The following POLR3F variants were observed in gnomAD, a reference collection of about 807,000 sequenced individuals.
POLR3F encodes RNA polymerase III subunit F.
Under a neutral mutation model 43.6 loss-of-function variants are expected in POLR3F, and 31 were observed. That is an observed-to-expected ratio of 0.71 (90% confidence interval 0.53 to 0.96). The LOEUF (loss-of-function observed/expected upper bound fraction) is 0.96, where lower values mean the gene tolerates loss of function less well. POLR3F is among the 40% of genes least tolerant of loss of function. The pLI, the probability that POLR3F is intolerant of heterozygous loss-of-function variation, is 0.00. For synonymous variants in POLR3F, 114 were observed against 132.5 expected, an observed-to-expected ratio of 0.86 and a Z score of 0.96; for missense variants, 316 against 391.7, an observed-to-expected ratio of 0.81 and a Z score of 1.63.
intron 4 of POLR3F, 94 bp downstream of exon 4, chr20:18,473,552 A>G: frequency 1.6e-6 from 1 of 618,730 alleles, no homozygotes. Flanking sequence ...AACTCAGTGG[A>G]CAGAGTATAC....
chr20:18,474,614 G>T lies in POLR3F; in HGVS notation c.317-461G>T, dbSNP rs111638214. ...GCTCAGTGCAACCTCCGCCTCCCGG[G>T]TTCAAACGAGTCTCATGCCTCAGCC... On this transcript the variant is annotated intron_variant, in intron 4 of 8. Transcript: ENST00000377603. Among the ~76,000 whole-genome samples the T allele has an allele frequency of 4.2e-3, 631 of 152,038 alleles. 14 individuals carry two copies. Among genetic ancestry groups the T allele is most frequent in the African/African-American group, 0.014 (589 of 41,430 alleles).
chr20:18,473,233 T>C (rs2059762704), intron 3 of POLR3F, among the ~76,000 whole-genome samples, 158 bp from the exon 4 acceptor site: 1 of 152,168 alleles, frequency 6.6e-6, no homozygotes, highest in African/African-American at 2.4e-5. Flanking sequence ...TTCATGTTGG[T>C]ACACACAGCT....
Position 18,481,812 on chromosome 20 carries a change from TG to T in POLR3F, c.873+3del. On this transcript the variant is annotated splice_donor_region_variant and intron_variant, in intron 8 of 8. Transcript: ENST00000377603. Reference sequence around the variant, plus strand: ...CGGGCACCCTGTGGACTCTGCCCGGTGAGTTAAAGTGGCTTCACTTTACACT... The same window carrying T: ...CGGGCACCCTGTGGACTCTGCCCGGTAGTTAAAGTGGCTTCACTTTACACT... The T allele has an allele frequency of 6.2e-7, 1 of 1,600,692 alleles. No homozygotes were observed. Among genetic ancestry groups the T allele is most frequent in the South Asian group, 1.1e-5 (1 of 90,456 alleles).
chr20:18,477,095 A>AAC lies in POLR3F; in HGVS notation c.429+1914_429+1915dup, dbSNP rs1247240510. Among the ~76,000 whole-genome samples the AAC allele has an allele frequency of 1.2e-3, 173 of 149,836 alleles. 1 individual carries two copies. Among genetic ancestry groups the AAC allele is most frequent in the African/African-American group, 4.1e-3 (160 of 39,460 alleles). ...TCTCAAAAAAAGAAAAAAAAAAAAA[A>AAC]ACACACAATGAAAACAAATAATCCA... On this transcript the variant is annotated intron_variant, in intron 5 of 8. Coordinates refer to ENST00000377603, the MANE Select transcript of POLR3F (RefSeq NM_006466.4).
chr20:18,477,769 G>C (rs543233362), intron 5 of POLR3F, among the ~76,000 whole-genome samples: 16 of 152,338 alleles, frequency 1.1e-4, no homozygotes, highest in African/African-American at 2.6e-4. Context: ...GGTGAGGGCA[G>C]GGATGGTAGG....
chr20:18,470,654 T>A (rs1416581859), intron 2 of POLR3F: 1 of 154,884 alleles, frequency 6.5e-6, no homozygotes, highest in African/African-American at 2.4e-5. Flanking sequence ...GAAAAAGTTC[T>A]TTTCTTCCTC....
chr20:18,480,324 G>C, intron 6 of POLR3F, 78 bp from the exon 7 acceptor site: 1 of 1,236,334 alleles, frequency 8.1e-7, no homozygotes, highest in East Asian at 2.4e-5. Context: ...TTCTGTTGTT[G>C]GTTTGACTCA....
chr20:18,474,944 T>C, intron 4 of POLR3F, 131 bp from the exon 5 acceptor site: 1 of 515,990 alleles, frequency 1.9e-6, no homozygotes, highest in Non-Finnish European at 3.5e-6. Context: ...AGCATACTTT[T>C]GCTACTTTAG....
intron 7 of POLR3F, among the ~76,000 whole-genome samples, chr20:18,480,947 A>C (rs1016477971): frequency 1.9e-4 from 29 of 152,194 alleles, no homozygotes; most frequent in African/African-American, 6.8e-4. Flanking sequence ...CAGATTTCTC[A>C]TAAAAACTAG....
chr20:18,480,570 C>A, intron 7 of POLR3F, 61 bp downstream of exon 7: 1 of 947,766 alleles, frequency 1.1e-6, no homozygotes, highest in Non-Finnish European at 1.7e-6. Flanking sequence ...CAATGTATTC[C>A]AAACATGTAT....
chr20:18,467,769 G>A (rs2059704666), intron 1 of POLR3F: 1 of 1,113,094 alleles, frequency 9.0e-7, no homozygotes, highest in Non-Finnish European at 1.2e-6. Flanking sequence ...GGGTTTGACA[G>A]CTTGCAACTT....
Position 18,481,692 on chromosome 20 carries a change from T to C in POLR3F, c.755T>C (p.Ile252Thr). ...TATGATGGAAAAGTGGAGATGACGA[T>C]TATTGCTGCAAAAGAAGGCACAGTT... ...LIYDGKVEMT[I>T]IAAKEGTVGS... is the part of the protein sequence containing the mutation. Residue 252 changes from isoleucine (I) to threonine (T), a missense_variant, in exon 8 of 9, where the codon ATT becomes ACT. By Grantham distance (89) the Ile-to-Thr change is moderately conservative. Transcript: ENST00000377603. 6.2e-7 allele frequency: 1 copy of C among 1,613,004 alleles called. No individual in the cohort carries two copies. Among genetic ancestry groups the C allele is most frequent in the South Asian group, 1.1e-5 (1 of 91,058 alleles).
chr20:18,471,404 A>C (rs1261563535), intron 2 of POLR3F, among the ~76,000 whole-genome samples: 2 of 152,140 alleles, frequency 1.3e-5, no homozygotes, highest in African/African-American at 4.8e-5. Context: ...CCAATCTGGG[A>C]GTTCAGGGTG....
Position 18,480,392 on chromosome 20 carries a change from A to G in POLR3F, c.574-10A>G, listed in dbSNP as rs778546823. 2.6e-6 allele frequency: 4 copies of G among 1,563,134 alleles called. No homozygotes were observed. The Admixed American group carries it at 5.0e-5, about 20-fold the overall frequency. ...TCTTATTTACATTTCTTATGTTTCA[A>G]TCCTTATAGGCAGAAACAGCACGAG... On this transcript the variant is annotated splice_polypyrimidine_tract_variant and intron_variant, in intron 6 of 8. Transcript: ENST00000377603.
rs1453126966 is a variant in POLR3F at position 18,483,939 on chromosome 20, T to C, written c.*381T>C. 1 of 396,704 alleles carries C rather than the reference T, an allele frequency of 2.5e-6. No homozygotes were observed. The highest frequency in any genetic ancestry group is 4.4e-5 in the Admixed American group (1 of 22,688). 24.6% of individuals were successfully genotyped at this position (396,704 alleles called of 1,614,324 possible). A position where few individuals can be genotyped will look rare whatever the true frequency, so the allele number is the denominator to read the frequency against. Reference sequence around the variant, plus strand: ...CTTTTTAAAGTTATTTATTAAGTTCTTCATTGGAAGTTTTTTTTTATATCT... The same window carrying C: ...CTTTTTAAAGTTATTTATTAAGTTCCTCATTGGAAGTTTTTTTTTATATCT... On this transcript the variant is annotated 3_prime_UTR_variant, in exon 9 of 9. Transcript: ENST00000377603.
chr20:18,469,150 C>A (rs1329133657), intron 2 of POLR3F, 89 bp downstream of exon 2: 2 of 741,060 alleles, frequency 2.7e-6, no homozygotes, highest in African/African-American at 1.7e-5. Context: ...AATTTCATGT[C>A]AACTTGACTA....
chr20:18,468,404 C>T (rs1601246270), intron 1 of POLR3F, among the ~76,000 whole-genome samples: 1 of 152,222 alleles, frequency 6.6e-6, no homozygotes, highest in East Asian at 1.9e-4. Context: ...GGCACTGCCA[C>T]TCTTAGATTT....
chr20:18,472,969 G>A (rs938656093), intron 3 of POLR3F, 60 bp downstream of exon 3: 18 of 777,512 alleles, frequency 2.3e-5, no homozygotes, highest in African/African-American at 5.3e-5. Flanking sequence ...GTATGTGTTG[G>A]GAATAAAGCT....
At chr20:18,467,767 C>A in intron 1 of POLR3F, 199 bp downstream of exon 1, 1 of 1,115,674 alleles carries the variant, frequency 9.0e-7, no homozygotes, top group Non-Finnish European at 1.2e-6. Flanking sequence ...ATGGGTTTGA[C>A]AGCTTGCAAC....
Sources: allele counts gnomAD v4.1 joint callset (sites outside exome capture counted in the v4.1 genomes callset), GRCh38; gene constraint gnomAD v4.1.1; transcripts MANE v1.5; gene names NCBI Gene and HGNC (gene_info 2026-07-23, HGNC 2026-07-21).